The following ARNT variants were observed in gnomAD, a reference collection of about 807,000 sequenced individuals.
The protein encoded by ARNT is class E basic helix-loop-helix protein 2.
ARNT carries 30 observed loss-of-function variants against 105.0 expected under a neutral mutation model. The ratio of observed to expected loss-of-function variants is 0.29; its 90% CI spans 0.21 to 0.39. The LOEUF is 0.39. ARNT is among the 10% of genes least tolerant of loss of function. ARNT has a pLI of 1.00. For synonymous variants in ARNT, 304 were observed against 344.0 expected, an observed-to-expected ratio of 0.88 and a Z score of 1.29; for missense variants, 748 against 978.7, an observed-to-expected ratio of 0.76 and a Z score of 3.15.
intron 13 of ARNT, 26 bp from the exon 14 acceptor site, chr1:150,823,371 G>A: frequency 1.3e-6 from 2 of 1,545,690 alleles, no homozygotes; most frequent in Non-Finnish European, 1.7e-6. Flanking sequence ...TGCCATCAGT[G>A]GAACTCATAG....
intron 4 of ARNT, 102 bp from the exon 5 acceptor site, chr1:150,842,570 T>A (rs1189071060): frequency 6.5e-5 from 55 of 842,230 alleles, no homozygotes; most frequent in Middle Eastern, 2.6e-4. Flanking sequence ...GGAGAGGAAA[T>A]GGAGGGAGAA....
intron 4 of ARNT, among the ~76,000 whole-genome samples, chr1:150,842,820 A>G (rs1054867068): frequency 7.9e-5 from 12 of 152,250 alleles, no homozygotes; most frequent in Admixed American, 2.6e-4. Context: ...TGTAGGGACC[A>G]AAGATATACA....
In ARNT at chr1:150,839,626, G is replaced by A. The variant is rs751549820; in HGVS notation, c.301C>T (p.Arg101Ter). ...RENHSEIERR[R>*]RNKMTAYITE... Reference sequence around the variant, plus strand: ...ATGTAGGCTGTCATCTTGTTCCGTCGCCGCCGTTCAATTTCACTGTGATTT... The same window carrying A: ...ATGTAGGCTGTCATCTTGTTCCGTCACCGCCGTTCAATTTCACTGTGATTT... The change falls in exon 6 of 22, where the codon CGA becomes TGA. Residue 101 changes from arginine (R) to a stop codon, truncating the protein, a stop_gained. Transcript: ENST00000358595. LOFTEE classifies it high-confidence loss of function. The A allele has an allele frequency of 1.2e-6, 2 of 1,613,922 alleles. No homozygotes were observed. Among genetic ancestry groups the A allele is most frequent in the Non-Finnish European group, 1.7e-6 (2 of 1,179,966 alleles).
At chr1:150,825,836 G>T (rs1476356248) in intron 13 of ARNT, among the ~76,000 whole-genome samples, 1 of 138,034 alleles carries the variant, frequency 7.2e-6, no homozygotes, top group East Asian at 2.1e-4. Context: ...GACAGAGCTA[G>T]ACTCCTTCTA....
chr1:150,841,680 A>G (rs1168410113), intron 5 of ARNT, among the ~76,000 whole-genome samples: 5 of 152,236 alleles, frequency 3.3e-5, no homozygotes, highest in Admixed American at 3.3e-4. Context: ...TTTCTACATT[A>G]CAAACAACAG....
At chr1:150,823,481 CAA>C in intron 13 of ARNT, 136 bp from the exon 14 acceptor site, 5 of 734,386 alleles carry the variant, frequency 6.8e-6, no homozygotes, top group Non-Finnish European at 8.2e-6. Flanking sequence ...AATATTAAAA[CAA>C]AATGAGAGTA....
chr1:150,869,401 T>G (rs1667111029), intron 1 of ARNT, among the ~76,000 whole-genome samples: 1 of 151,262 alleles, frequency 6.6e-6, no homozygotes, highest in Admixed American at 6.6e-5. Context: ...GGCGTGAACC[T>G]GGGAGGCGGA....
At chr1:150,848,968 C>G (rs1662788605) in intron 3 of ARNT, among the ~76,000 whole-genome samples, 1 of 152,136 alleles carries the variant, frequency 6.6e-6, no homozygotes, top group Non-Finnish European at 1.5e-5. Flanking sequence ...CTTTGGGAGG[C>G]CGAGGTGGGC....
At chr1:150,842,545 AAAGG>A in intron 4 of ARNT, 77 bp from the exon 5 acceptor site, 1 of 1,322,242 alleles carries the variant, frequency 7.6e-7, no homozygotes, top group South Asian at 1.2e-5. Context: ...GGAAGGGAAA[AAAGG>A]AAGGAGGGAG....
At chr1:150,843,269 G>A (rs921037463) in intron 4 of ARNT, among the ~76,000 whole-genome samples, 1 of 152,162 alleles carries the variant, frequency 6.6e-6, no homozygotes, top group African/African-American at 2.4e-5. Context: ...CTAGAAAACT[G>A]AGATACTGTA....
chr1:150,836,217 T>C (rs1660297845), intron 7 of ARNT, 63 bp downstream of exon 7: 10 of 1,536,810 alleles, frequency 6.5e-6, no homozygotes, highest in Non-Finnish European at 8.9e-6. Flanking sequence ...AAAACATCTC[T>C]TAAGTCTCAG....
chr1:150,860,531 G>A (rs183654537), intron 1 of ARNT, among the ~76,000 whole-genome samples: 98 of 151,376 alleles, frequency 6.5e-4, no homozygotes, highest in Non-Finnish European at 1.1e-3. Flanking sequence ...AAAAATTTTC[G>A]AATCATATAT....
At chr1:150,872,916 T>C (rs952542340) in intron 1 of ARNT, among the ~76,000 whole-genome samples, 1 of 151,968 alleles carries the variant, frequency 6.6e-6, no homozygotes, top group Non-Finnish European at 1.5e-5. Flanking sequence ...GAGCCATGAT[T>C]GTGTCACTGC....
At chr1:150,830,089 T>G (rs987112961) in intron 10 of ARNT, 109 bp from the exon 11 acceptor site, 1 of 1,245,966 alleles carries the variant, frequency 8.0e-7, no homozygotes, top group African/African-American at 1.5e-5. Flanking sequence ...CCAGGCACCG[T>G]GGCTGACGCC....
At chr1:150,840,696 T>G (rs1329469185) in intron 5 of ARNT, among the ~76,000 whole-genome samples, 1 of 152,180 alleles carries the variant, frequency 6.6e-6, no homozygotes, top group Non-Finnish European at 1.5e-5. Context: ...GAGAGGAGGA[T>G]GATTAAAGGT....
intron 21 of ARNT, chr1:150,812,485 TCCTG>T (rs1261408837): frequency 6.1e-6 from 1 of 164,222 alleles, no homozygotes; most frequent in Non-Finnish European, 1.3e-5. Context: ...TCTTCCTTTG[TCCTG>T]CCTAAGATTA....
In ARNT at chr1:150,823,379, T is replaced by C. The variant is rs200394177; in HGVS notation, c.1243-34A>G. The C allele has an allele frequency of 4.7e-4, 715 of 1,537,566 alleles. 3 individuals carry two copies. Among genetic ancestry groups the C allele is most frequent in the Admixed American group, 9.5e-4 (46 of 48,484 alleles). ...GTTTTCATGCCATCAGTGGAACTCATAGAAAATTTTCATTACAAAAATAAA... is the reference window on the plus strand; with the variant it reads ...GTTTTCATGCCATCAGTGGAACTCACAGAAAATTTTCATTACAAAAATAAA... On this transcript the variant is annotated intron_variant, in intron 13 of 21. Transcript: ENST00000358595.
chr1:150,831,566 T>G (rs944129912), intron 10 of ARNT: 12 of 442,170 alleles, frequency 2.7e-5, no homozygotes, highest in Non-Finnish European at 4.0e-5. Flanking sequence ...AGTATAAATT[T>G]GTTCACATAA....
chr1:150,813,336 G>A lies in ARNT; in HGVS notation c.2116C>T (p.Pro706Ser). ...SLTNRGSNFA[P>S]ETGQTAGQFQ... is the part of the protein sequence containing the mutation. The stretch of plus-strand genomic sequence containing the variant: ...TGTCCTGCAGTCTGTCCAGTCTCAG[G>A]AGCTAGAAATACAGCAAGGAAGAAT... The change falls in exon 21 of 22, where the codon CCT (proline) becomes TCT (serine). Residue 706 changes from proline (P) to serine (S), a missense_variant and splice_region_variant. Transcript: ENST00000358595. 1 of 1,603,448 alleles carries A rather than the reference G, an allele frequency of 6.2e-7. No homozygotes were observed. Among genetic ancestry groups the A allele is most frequent in the Non-Finnish European group, 8.5e-7 (1 of 1,174,266 alleles).
Sources: gnomAD v4.1 joint callset for allele counts (sites outside exome capture counted in the v4.1 genomes callset) on GRCh38, gnomAD v4.1.1 for gene constraint, MANE v1.5 for transcripts, NCBI Gene and HGNC (gene_info 2026-07-23, HGNC 2026-07-21) for gene names.